The following CDH12 variants were observed in gnomAD, a reference collection of about 807,000 sequenced individuals.
CDH12 encodes the protein cadherin 12.
In CDH12, 41 loss-of-function variants were observed where a neutral mutation model predicts 74.1. That is an observed-to-expected ratio of 0.55 (90% CI 0.43 to 0.72). The LOEUF (loss-of-function observed/expected upper bound fraction) is 0.72. CDH12 is among the 30% of genes least tolerant of loss of function. The probability of loss-of-function intolerance (pLI) is 0.00; values close to 1 mark genes in which losing one functional copy is unlikely to be tolerated. For missense variants in CDH12, 945 were observed against 977.2 expected (o/e 0.97, Z 0.44); for synonymous variants, 399 against 355.0 (o/e 1.12, Z -1.39).
intron 1 of CDH12, among the ~76,000 whole-genome samples, chr5:22,607,273 G>C (rs1016844341): frequency 6.6e-6 from 1 of 152,152 alleles, no homozygotes; most frequent in African/African-American, 2.4e-5. Context: ...TATGTCTCTA[G>C]GGCATGTCAG....
intron 5 of CDH12, among the ~76,000 whole-genome samples, chr5:22,001,197 TC>T (rs1468073485): frequency 6.6e-6 from 1 of 152,158 alleles, no homozygotes; most frequent in Non-Finnish European, 1.5e-5. Flanking sequence ...CTAGTGAACA[TC>T]TATTTTAAGC....
chr5:21,801,703 G>A (rs1393430563), intron 10 of CDH12, among the ~76,000 whole-genome samples: 1 of 152,040 alleles, frequency 6.6e-6, no homozygotes. Context: ...TTGTTACACT[G>A]GAAAAAATGA....
chr5:22,844,599 G>A (rs557403169), intron 1 of CDH12, among the ~76,000 whole-genome samples: 3 of 152,136 alleles, frequency 2.0e-5, no homozygotes, highest in South Asian at 2.1e-4. Context: ...ATTTAAACAG[G>A]GAACACTGCA....
intron 1 of CDH12, among the ~76,000 whole-genome samples, chr5:22,627,015 A>G (rs1194431622): frequency 6.6e-6 from 1 of 152,208 alleles, no homozygotes. Context: ...GAGCTTAGAC[A>G]CTGGTTGTCC....
At chr5:22,368,240 A>G (rs1429927459) in intron 3 of CDH12, among the ~76,000 whole-genome samples, 2 of 152,052 alleles carry the variant, frequency 1.3e-5, no homozygotes, top group Non-Finnish European at 2.9e-5. Flanking sequence ...GAAGTTCTAA[A>G]ATAGCTCTTT....
chr5:22,100,652 G>GACAC (rs150777646), intron 4 of CDH12, among the ~76,000 whole-genome samples: 14,170 of 144,250 alleles, frequency 0.098, 764 homozygotes, highest in African/African-American at 0.13. Flanking sequence ...CCATACATTA[G>GACAC]ACACACACAC....
intron 1 of CDH12, among the ~76,000 whole-genome samples, chr5:22,762,618 A>G (rs866688155): frequency 1.1e-4 from 16 of 151,624 alleles, no homozygotes; most frequent in South Asian, 4.2e-4. Context: ...AAGGATTGGG[A>G]CTGAGAACTA....
chr5:22,235,181 A>G, intron 3 of CDH12, among the ~76,000 whole-genome samples: 1 of 152,180 alleles, frequency 6.6e-6, no homozygotes, highest in East Asian at 1.9e-4. Context: ...GTGAAGGACA[A>G]ATAAATGTAA....
intron 6 of CDH12, among the ~76,000 whole-genome samples, chr5:21,867,198 T>C (rs1175100554): frequency 6.6e-6 from 1 of 152,020 alleles, no homozygotes; most frequent in East Asian, 1.9e-4. Context: ...CTACTAAAAA[T>C]ACACAAATTA....
intron 5 of CDH12, among the ~76,000 whole-genome samples, chr5:22,064,434 A>G (rs1306185423): frequency 6.6e-6 from 1 of 152,128 alleles, no homozygotes; most frequent in Non-Finnish European, 1.5e-5. Context: ...GAATCTTAAG[A>G]ATAAGTTTTC....
chr5:21,839,039 C>T (rs1445597072), intron 8 of CDH12, among the ~76,000 whole-genome samples: 1 of 152,106 alleles, frequency 6.6e-6, no homozygotes, highest in Non-Finnish European at 1.5e-5. Flanking sequence ...TGCACAAAAC[C>T]CAAAACAGCG....
intron 4 of CDH12, among the ~76,000 whole-genome samples, chr5:22,114,743 G>A (rs898629448): frequency 6.6e-6 from 1 of 152,088 alleles, no homozygotes; most frequent in Non-Finnish European, 1.5e-5. Flanking sequence ...TTGAAGCCAC[G>A]TTATGTCAGA....
At chr5:21,893,503 C>T (rs1463721542) in intron 6 of CDH12, among the ~76,000 whole-genome samples, 2 of 152,158 alleles carry the variant, frequency 1.3e-5, no homozygotes, top group African/African-American at 4.8e-5. Context: ...GTGCAGCTTA[C>T]ATTTATTGTC....
chr5:22,116,442 A>G (rs956799711), intron 4 of CDH12, among the ~76,000 whole-genome samples: 4 of 152,128 alleles, frequency 2.6e-5, no homozygotes, highest in Admixed American at 2.6e-4. Context: ...CATCTCTACT[A>G]AAAATACAAA....
chr5:22,403,331 C>T (rs1375135402), intron 3 of CDH12, among the ~76,000 whole-genome samples: 2 of 152,296 alleles, frequency 1.3e-5, no homozygotes, highest in East Asian at 1.9e-4. Context: ...CATGGTCACA[C>T]AATTATTGGG....
intron 3 of CDH12, among the ~76,000 whole-genome samples, chr5:22,268,587 A>G (rs191678390): frequency 1.1e-3 from 169 of 152,214 alleles, no homozygotes; most frequent in Middle Eastern, 6.8e-3. Context: ...AAAAAACTCT[A>G]CAATTTATTA....
intron 1 of CDH12, among the ~76,000 whole-genome samples, chr5:22,787,600 A>AT (rs1747701498): frequency 6.7e-6 from 1 of 150,170 alleles, no homozygotes; most frequent in Admixed American, 6.6e-5. Context: ...ATAATGTTTT[A>AT]TTTTTAATAG....
At chr5:22,751,090 C>T (rs1745547396) in intron 1 of CDH12, among the ~76,000 whole-genome samples, 1 of 151,104 alleles carries the variant, frequency 6.6e-6, no homozygotes, top group African/African-American at 2.4e-5. Context: ...TTTGGAATCA[C>T]CTGAATAAAA....
At chr5:22,438,313 A>T (rs193013799) in intron 2 of CDH12, among the ~76,000 whole-genome samples, 90 of 152,136 alleles carry the variant, frequency 5.9e-4, no homozygotes, top group Non-Finnish European at 6.5e-4. Flanking sequence ...AGAAGCTCCA[A>T]TTCTGACTTA....
Sources: allele counts gnomAD v4.1 joint callset (sites outside exome capture counted in the v4.1 genomes callset), GRCh38; gene constraint gnomAD v4.1.1; transcripts MANE v1.5; gene names NCBI Gene and HGNC (gene_info 2026-07-23, HGNC 2026-07-21).